ZHX3: variants seen among roughly 807,000 people sequenced by gnomAD.
ZHX3 encodes zinc fingers and homeoboxes 3.
In ZHX3, 20 loss-of-function variants were observed where a neutral mutation model predicts 64.5. The ratio of observed to expected loss-of-function variants is 0.31; its 90% CI spans 0.22 to 0.45. The LOEUF is 0.45. Among genes scored for constraint, ZHX3 ranks in the 20% least tolerant of loss-of-function variants. ZHX3 has a pLI of 1.00. For missense variants in ZHX3, 1,041 were observed against 1,195.8 expected, an observed-to-expected ratio of 0.87 and a Z score of 1.91; for synonymous variants, 423 against 461.6, an observed-to-expected ratio of 0.92 and a Z score of 1.07.
intron 1 of ZHX3, among the ~76,000 whole-genome samples, chr20:41,291,633 A>G (rs957197733): frequency 2.6e-5 from 4 of 152,202 alleles, no homozygotes; most frequent in African/African-American, 7.2e-5. Flanking sequence ...GTATACGTAT[A>G]CACACATACA....
At chr20:41,246,730 A>G (rs11700207) in intron 2 of ZHX3, among the ~76,000 whole-genome samples, 1 of 151,870 alleles carries the variant, frequency 6.6e-6, no homozygotes, top group African/African-American at 2.4e-5. Flanking sequence ...AAAATTAGCC[A>G]GGCGTCGTGG....
chr20:41,234,014 C>G (rs1165076385), intron 2 of ZHX3, among the ~76,000 whole-genome samples: 1 of 152,178 alleles, frequency 6.6e-6, no homozygotes, highest in Non-Finnish European at 1.5e-5. Flanking sequence ...ACAAAAAACG[C>G]AGTACAGACT....
chr20:41,198,825 T>C (rs548338815), intron 3 of ZHX3, among the ~76,000 whole-genome samples: 2 of 152,282 alleles, frequency 1.3e-5, no homozygotes, highest in African/African-American at 2.4e-5. Context: ...TATATGAGTA[T>C]GAATATACTA....
Position 41,181,404 on chromosome 20 carries a change from G to A in ZHX3, c.*3787C>T, listed in dbSNP as rs2036247168. 6.6e-6 allele frequency: 1 copy of A among 152,186 alleles called. No homozygotes were observed. The highest frequency in any genetic ancestry group is 1.5e-5 in the Non-Finnish European group (1 of 68,036). The allele number at this position is 152,186 out of a possible 1,614,324, so 9.4% of individuals were successfully genotyped here. A position where few individuals can be genotyped will look rare whatever the true frequency, so the allele number is the denominator to read the frequency against. On this transcript the variant is annotated 3_prime_UTR_variant, in exon 4 of 4. Transcript: ENST00000683867. ...CAAGAAAAAAGAGAAGATGACTTTAGGAAAATCCTAAACGAGGTTTGGTTT... is the reference window on the plus strand; with the variant it reads ...CAAGAAAAAAGAGAAGATGACTTTAAGAAAATCCTAAACGAGGTTTGGTTT...
At chr20:41,269,586 C>T (rs140355366) in intron 1 of ZHX3, 56 of 152,142 alleles carry the variant, frequency 3.7e-4, no homozygotes, top group African/African-American at 1.1e-3. Flanking sequence ...ATGGCACTTT[C>T]GGTAAATGAA....
At position 41,228,357 on chromosome 20, in the gene ZHX3, C is replaced by T. The variant is rs2146368599; in HGVS notation, c.-150-23291G>A. 6.6e-6 allele frequency among the ~76,000 whole-genome samples: 1 copy of T among 152,306 alleles called. No individual in the cohort carries two copies. The highest frequency in any genetic ancestry group is 1.9e-4 in the East Asian group (1 of 5,186). On this transcript the variant is annotated intron_variant, in intron 2 of 3. Coordinates refer to ENST00000683867, the MANE Select transcript of ZHX3 (RefSeq NM_001384317.1). The surrounding 1 kb of genome is among the most constrained non-coding windows in gnomAD (Gnocchi z 4.6). ...GAAACAAGCAAATAAAAAATATAGC[C>T]TAGGTCTACTTCCTAAATCTTCATT...
intron 2 of ZHX3, among the ~76,000 whole-genome samples, chr20:41,243,833 A>G (rs2041531434): frequency 6.6e-6 from 1 of 152,162 alleles, no homozygotes; most frequent in Admixed American, 6.5e-5. Context: ...AGCAGTTTAG[A>G]AACCCTATGA....
chr20:41,248,422 T>C (rs142845546), intron 2 of ZHX3, among the ~76,000 whole-genome samples: 169 of 152,312 alleles, frequency 1.1e-3, no homozygotes, highest in African/African-American at 3.8e-3. Context: ...AATGTTTGCA[T>C]TGCTGAACAC....
At chr20:41,254,312 C>G (rs1224548458) in intron 2 of ZHX3, among the ~76,000 whole-genome samples, 1 of 152,170 alleles carries the variant, frequency 6.6e-6, no homozygotes, top group African/African-American at 2.4e-5. Context: ...TTGCTTAACC[C>G]CAGCTCCTCT....
intron 2 of ZHX3, among the ~76,000 whole-genome samples, chr20:41,260,045 AT>A (rs1479559353): frequency 6.6e-6 from 1 of 152,216 alleles, no homozygotes; most frequent in Non-Finnish European, 1.5e-5. Flanking sequence ...AAAGAGTTAA[AT>A]GAGAAAAACC....
intron 2 of ZHX3, among the ~76,000 whole-genome samples, chr20:41,238,123 A>T (rs1357210190): frequency 6.6e-6 from 1 of 152,216 alleles, no homozygotes. Context: ...GTCAATCATT[A>T]TAAGCATTCC....
rs57987896 is a variant in ZHX3, at chr20:41,296,232, TAAAAAAAAAAAAAAAAAAA to T, written c.-245+21258_-245+21276del. 7.9e-4 allele frequency among the ~76,000 whole-genome samples: 58 copies of T among 73,006 alleles called. 1 individual carries two copies. The highest frequency in any genetic ancestry group is 2.0e-3 in the African/African-American group (43 of 21,324). The allele number at this position is 73,006 out of a possible 152,430, so 47.9% of individuals were successfully genotyped here. On this transcript the variant is annotated intron_variant, in intron 1 of 3. Transcript: ENST00000683867. ...TTCCCTTCTCCTCAAGTTCATAAAG[TAAAAAAAAAAAAAAAAAAA>T]AAAAAAAAAAAAAAAAAATACATGG... is the stretch of plus-strand genomic sequence containing the variant.
chr20:41,289,520 G>A (rs2044116398), intron 1 of ZHX3, among the ~76,000 whole-genome samples: 1 of 152,100 alleles, frequency 6.6e-6, no homozygotes, highest in African/African-American at 2.4e-5. Context: ...TTACAGAGTA[G>A]TGTCTCCCTC....
Position 41,301,947 on chromosome 20 carries a change from G to C in ZHX3, c.-245+15562C>G, listed in dbSNP as rs2044827496. 2.0e-5 allele frequency among the ~76,000 whole-genome samples: 3 copies of C among 149,942 alleles called. No homozygotes were observed. In the South Asian group the frequency reaches 6.3e-4, roughly 32 times the overall value. ...CGGGCGCCTGTAGTCCCAGCTACTT[G>C]GGAGGCTGAGGCAGGAGAATGGCGT... On this transcript the variant is annotated intron_variant, in intron 1 of 3. Coordinates refer to ENST00000683867, the MANE Select transcript of ZHX3 (RefSeq NM_001384317.1).
In ZHX3 at chr20:41,277,774, G is replaced by A. The variant is rs371865951; in HGVS notation, c.-244-8691C>T. 1.3e-4 allele frequency among the ~76,000 whole-genome samples: 18 copies of A among 136,310 alleles called. 3 individuals carry two copies. In the East Asian group the frequency reaches 3.6e-3, roughly 27 times the overall value. The allele number at this position is 136,310 out of a possible 152,430, so 89.4% of individuals were successfully genotyped here. On this transcript the variant is annotated intron_variant, in intron 1 of 3. Coordinates refer to ENST00000683867, the MANE Select transcript of ZHX3 (RefSeq NM_001384317.1). ...GCCTGGCTAATTTTTTGTATTTTTAGTAGAGACGGGGTTTCACCATGTTAG... is the reference window on the plus strand; with the variant it reads ...GCCTGGCTAATTTTTTGTATTTTTAATAGAGACGGGGTTTCACCATGTTAG...
At chr20:41,258,163 G>T (rs926271615) in intron 2 of ZHX3, among the ~76,000 whole-genome samples, 1 of 152,152 alleles carries the variant, frequency 6.6e-6, no homozygotes, top group African/African-American at 2.4e-5. Context: ...GCCTCCCAAA[G>T]TGCTGGGATT....
intron 3 of ZHX3, among the ~76,000 whole-genome samples, chr20:41,189,485 A>G (rs1490423375): frequency 6.6e-6 from 1 of 152,012 alleles, no homozygotes; most frequent in East Asian, 1.9e-4. Flanking sequence ...ATGTCTTTCC[A>G]TTTGTGTCCT....
chr20:41,263,669 G>C (rs1275454874), intron 2 of ZHX3, among the ~76,000 whole-genome samples: 2 of 151,898 alleles, frequency 1.3e-5, no homozygotes, highest in African/African-American at 2.4e-5. Context: ...AAAGTTCTAG[G>C]ATTACAGGCA....
At chr20:41,233,353 C>T (rs1362668853) in intron 2 of ZHX3, among the ~76,000 whole-genome samples, 1 of 152,230 alleles carries the variant, frequency 6.6e-6, no homozygotes, top group Non-Finnish European at 1.5e-5. Context: ...CCACTTTTTA[C>T]ATCCTCCTAG....
Sources: gnomAD v4.1 joint callset for allele counts (sites outside exome capture counted in the v4.1 genomes callset) on GRCh38, gnomAD v4.1.1 for gene constraint, Gnocchi (gnomAD v3.1) non-coding constraint, MANE v1.5 for transcripts, NCBI Gene and HGNC (gene_info 2026-07-23, HGNC 2026-07-21) for gene names.